Variants in TMEM117 observed in about 807,000 individuals in gnomAD.
TMEM117 encodes the protein transmembrane protein 117.
TMEM117 carries 27 observed loss-of-function variants against 52.4 expected under a neutral mutation model. The ratio of observed to expected loss-of-function variants is 0.51; its 90% CI spans 0.38 to 0.71. TMEM117 has a LOEUF of 0.71. Among genes scored for constraint, TMEM117 ranks in the 30% least tolerant of loss-of-function variants. The pLI, the probability that TMEM117 is intolerant of heterozygous loss-of-function variation, is 0.00. For missense variants in TMEM117, 556 were observed against 630.5 expected (o/e 0.88, Z 1.26); for synonymous variants, 215 against 206.3 (o/e 1.04, Z -0.36).
At chr12:43,847,011 T>C (rs1029714718) in intron 2 of TMEM117, among the ~76,000 whole-genome samples, 2 of 152,200 alleles carry the variant, frequency 1.3e-5, no homozygotes, top group Non-Finnish European at 2.9e-5. Context: ...ACATAGTTTC[T>C]AGACATTTGG....
At chr12:43,931,511 A>G (rs973194383) in intron 2 of TMEM117, among the ~76,000 whole-genome samples, 3 of 152,244 alleles carry the variant, frequency 2.0e-5, no homozygotes, top group African/African-American at 7.2e-5. Flanking sequence ...AGTAACAATG[A>G]TATCAAAAAT....
chr12:44,086,983 TATA>T (rs1565821813), intron 3 of TMEM117, among the ~76,000 whole-genome samples: 1 of 147,644 alleles, frequency 6.8e-6, no homozygotes, highest in Non-Finnish European at 1.5e-5. Flanking sequence ...TTATATAATA[TATA>T]ATTAATAATT....
chr12:44,302,569 A>G (rs1182586213), intron 6 of TMEM117, among the ~76,000 whole-genome samples: 1 of 152,188 alleles, frequency 6.6e-6, no homozygotes, highest in Non-Finnish European at 1.5e-5. Context: ...CTGAACTGCA[A>G]ATCAATATGT....
rs529070307 is a variant in TMEM117 at position 43,874,568 on chromosome 12, G to A, written c.277+29640G>A. ...ATTGCGCCACTGCACTCCAGCCTGGGCGACAAGAACAAGACTCCGTCTCAA... is the reference window on the plus strand; with the variant it reads ...ATTGCGCCACTGCACTCCAGCCTGGACGACAAGAACAAGACTCCGTCTCAA... On this transcript the variant is annotated intron_variant, in intron 2 of 7. Transcript: ENST00000266534. 2.6e-5 allele frequency among the ~76,000 whole-genome samples: 4 copies of A among 152,284 alleles called. No individual in the cohort carries two copies. The East Asian group carries it at 7.7e-4, about 29-fold the overall frequency.
intron 1 of TMEM117, 35 bp downstream of exon 1, chr12:43,836,231 C>T (rs1425278390): frequency 1.3e-5 from 2 of 152,326 alleles, no homozygotes; most frequent in Non-Finnish European, 2.9e-5. Context: ...GGCGAGCCTC[C>T]CCAGCCGTTC....
intron 6 of TMEM117, among the ~76,000 whole-genome samples, chr12:44,313,606 A>C (rs1343614703): frequency 1.3e-5 from 2 of 152,132 alleles, no homozygotes; most frequent in African/African-American, 4.8e-5. Flanking sequence ...CTTTTGGTTC[A>C]ATATGAGTTT....
intron 5 of TMEM117, among the ~76,000 whole-genome samples, chr12:44,276,558 G>T (rs1432934290): frequency 6.6e-6 from 1 of 151,532 alleles, no homozygotes. Context: ...AAGTTTAATA[G>T]ATCTACTGTA....
At chr12:44,180,327 A>G (rs113981317) in intron 4 of TMEM117, among the ~76,000 whole-genome samples, 2,876 of 151,474 alleles carry the variant, frequency 0.019, 80 homozygotes, top group African/African-American at 0.067. Flanking sequence ...TTTGTAAACA[A>G]CGATGTAAAA....
intron 1 of TMEM117, among the ~76,000 whole-genome samples, chr12:43,840,423 G>A (rs1257222815): frequency 1.3e-5 from 2 of 152,202 alleles, no homozygotes; most frequent in African/African-American, 4.8e-5. Context: ...ACCTCGTGCT[G>A]AAATGAGAGG....
chr12:44,222,507 G>A (rs1362915153), intron 5 of TMEM117, among the ~76,000 whole-genome samples: 1 of 152,164 alleles, frequency 6.6e-6, no homozygotes, highest in Non-Finnish European at 1.5e-5. Context: ...TGCACCTTGA[G>A]TGCCTTCATG....
chr12:43,908,490 A>G (rs931762673), intron 2 of TMEM117, among the ~76,000 whole-genome samples: 1 of 102,984 alleles, frequency 9.7e-6, no homozygotes, highest in African/African-American at 2.7e-5. Flanking sequence ...AGATTCACAC[A>G]TAACAATATT....
intron 3 of TMEM117, among the ~76,000 whole-genome samples, chr12:43,980,801 G>A (rs1945747969): frequency 2.0e-5 from 3 of 152,136 alleles, no homozygotes; most frequent in Admixed American, 6.5e-5. Flanking sequence ...GGCATTAGGG[G>A]CTGAAGAGAG....
intron 5 of TMEM117, among the ~76,000 whole-genome samples, chr12:44,275,507 G>C (rs1950501008): frequency 6.6e-6 from 1 of 152,076 alleles, no homozygotes; most frequent in Admixed American, 6.6e-5. Flanking sequence ...CATATTTGTT[G>C]CAGCACTGTT....
intron 3 of TMEM117, among the ~76,000 whole-genome samples, chr12:44,104,005 G>T (rs1280187611): frequency 2.6e-5 from 4 of 151,836 alleles, no homozygotes; most frequent in African/African-American, 9.7e-5. Context: ...AAACTTTACA[G>T]TATAAACTCT....
At chr12:44,239,992 G>T (rs967463246) in intron 5 of TMEM117, among the ~76,000 whole-genome samples, 2 of 151,864 alleles carry the variant, frequency 1.3e-5, no homozygotes, top group African/African-American at 2.4e-5. Flanking sequence ...ATAACTTACA[G>T]AAATGACTTT....
chr12:44,215,460 G>T (rs546470733), intron 5 of TMEM117, among the ~76,000 whole-genome samples: 1 of 151,378 alleles, frequency 6.6e-6, no homozygotes, highest in East Asian at 1.9e-4. Context: ...AGCCCTTTCC[G>T]TAGTCCTTTT....
In TMEM117 at chr12:44,036,779, T is replaced by C. The variant is rs548871615; in HGVS notation, c.410+92437T>C. Among the ~76,000 whole-genome samples, 91 of 152,346 alleles carry C rather than the reference T, an allele frequency of 6.0e-4. 4 individuals are homozygous for C. In the South Asian group the frequency reaches 8.5e-3, roughly 14 times the overall value. On this transcript the variant is annotated intron_variant, in intron 3 of 7. Coordinates refer to ENST00000266534, the MANE Select transcript of TMEM117 (RefSeq NM_032256.3). ...TATATGTTATGTGTATCTTCAACTTTGTTACATAATGCCAAATGATTATCC... is the reference window on the plus strand; with the variant it reads ...TATATGTTATGTGTATCTTCAACTTCGTTACATAATGCCAAATGATTATCC...
At chr12:44,292,323 A>C (rs1474137435) in intron 5 of TMEM117, among the ~76,000 whole-genome samples, 1 of 151,700 alleles carries the variant, frequency 6.6e-6, no homozygotes, top group African/African-American at 2.4e-5. Flanking sequence ...TTTATTTATA[A>C]TTTTATTTGA....
intron 2 of TMEM117, among the ~76,000 whole-genome samples, chr12:43,877,055 G>A (rs1437983578): frequency 6.6e-6 from 1 of 151,980 alleles, no homozygotes; most frequent in Admixed American, 6.6e-5. Context: ...TTATTTCATA[G>A]TTTTCTTGAA....
Sources: gnomAD v4.1 joint callset for allele counts (sites outside exome capture counted in the v4.1 genomes callset) on GRCh38, gnomAD v4.1.1 for gene constraint, MANE v1.5 for transcripts, NCBI Gene and HGNC (gene_info 2026-07-23, HGNC 2026-07-21) for gene names.